The following SCAPER variants were observed in gnomAD, a reference collection of about 807,000 sequenced individuals.
The protein encoded by SCAPER is S phase cyclin A-associated protein in the endoplasmic reticulum.
A neutral mutation model predicts 182.2 loss-of-function variants in SCAPER; 98 were observed. The ratio of observed to expected loss-of-function variants is 0.54; its 90% confidence interval spans 0.46 to 0.64. The LOEUF (loss-of-function observed/expected upper bound fraction) is 0.64. Among genes scored for constraint, SCAPER ranks in the 30% least tolerant of loss-of-function variants. The pLI is 0.00. For missense variants in SCAPER, 1,432 were observed against 1,690.0 expected, an observed-to-expected ratio of 0.85 and a Z score of 2.68; for synonymous variants, 605 against 564.6, an observed-to-expected ratio of 1.07 and a Z score of -1.01.
chr15:76,431,652 G>C (rs1432927491), intron 26 of SCAPER, among the ~76,000 whole-genome samples: 1 of 81,900 alleles, frequency 1.2e-5, no homozygotes, highest in Non-Finnish European at 2.2e-5. Flanking sequence ...GGGAAGGTGA[G>C]AAGGCAAGTA....
At chr15:76,558,952 G>C (rs915857823) in intron 23 of SCAPER, among the ~76,000 whole-genome samples, 5 of 152,136 alleles carry the variant, frequency 3.3e-5, no homozygotes, top group African/African-American at 2.4e-5. Flanking sequence ...CACGTGTCAA[G>C]GGAGAGGCCA....
chr15:76,692,739 AG>A (rs1241534112), intron 20 of SCAPER, among the ~76,000 whole-genome samples: 1 of 151,182 alleles, frequency 6.6e-6, no homozygotes, highest in African/African-American at 2.4e-5. Context: ...AGGAAAGGAA[AG>A]GACAGGAAAT....
intron 22 of SCAPER, among the ~76,000 whole-genome samples, chr15:76,616,548 T>C (rs961341799): frequency 6.6e-6 from 1 of 152,170 alleles, no homozygotes; most frequent in African/African-American, 2.4e-5. Context: ...ATGGATGATG[T>C]AATAGCTACA....
intron 2 of SCAPER, among the ~76,000 whole-genome samples, chr15:76,877,094 C>T (rs1380410661): frequency 6.6e-6 from 1 of 151,688 alleles, no homozygotes; most frequent in African/African-American, 2.4e-5. Context: ...AAAAATTGGC[C>T]CAGCTACTCA....
intron 1 of SCAPER, among the ~76,000 whole-genome samples, chr15:76,887,737 C>T (rs546268106): frequency 6.6e-6 from 1 of 152,330 alleles, no homozygotes; most frequent in South Asian, 2.1e-4. Flanking sequence ...CATAGCTGAA[C>T]AAAAAGCAGC....
At chr15:76,437,654 A>T (rs780070953) in intron 25 of SCAPER, among the ~76,000 whole-genome samples, 9 of 152,216 alleles carry the variant, frequency 5.9e-5, no homozygotes, top group Non-Finnish European at 1.0e-4. Flanking sequence ...ACTGTTTTTC[A>T]TCATGAAGTA....
chr15:76,869,558 T>C lies in SCAPER; in HGVS notation c.7-7025A>G, dbSNP rs80341077. On this transcript the variant is annotated intron_variant, in intron 2 of 31. Coordinates refer to ENST00000563290, the MANE Select transcript of SCAPER (RefSeq NM_020843.4). ...AATGCAAATCAAAACTACAGTGAAA[T>C]ATCATCTCACGCAGTTAAAATGGTT... is the stretch of plus-strand genomic sequence containing the variant. 8.1e-3 allele frequency among the ~76,000 whole-genome samples: 1,239 copies of C among 152,218 alleles called. 13 individuals carry two copies. Among genetic ancestry groups the C allele is most frequent in the African/African-American group, 0.028 (1,175 of 41,518 alleles).
intron 29 of SCAPER, among the ~76,000 whole-genome samples, chr15:76,362,931 A>G (rs1361676735): frequency 6.6e-6 from 1 of 152,190 alleles, no homozygotes; most frequent in Admixed American, 6.5e-5. Context: ...GGAGAACTCC[A>G]TCAGTGGTTT....
At chr15:76,419,251 C>T (rs574908709) in intron 26 of SCAPER, among the ~76,000 whole-genome samples, 1 of 151,994 alleles carries the variant, frequency 6.6e-6, no homozygotes, top group Admixed American at 6.5e-5. Flanking sequence ...ATCGCTTGAA[C>T]CCAGGAGGCG....
At chr15:76,427,917 G>A (rs1313654218) in intron 26 of SCAPER, among the ~76,000 whole-genome samples, 1 of 140,730 alleles carries the variant, frequency 7.1e-6, no homozygotes, top group African/African-American at 2.8e-5. Context: ...TGGGTGACAT[G>A]AGCAAAACTC....
intron 29 of SCAPER, 83 bp downstream of exon 29, chr15:76,376,079 C>T (rs576515702): frequency 5.2e-6 from 8 of 1,551,554 alleles, no homozygotes; most frequent in African/African-American, 2.7e-5. Flanking sequence ...GGTTCCAGCC[C>T]GCTAGCCTGC....
intron 25 of SCAPER, among the ~76,000 whole-genome samples, chr15:76,445,375 T>C (rs1239067936): frequency 6.6e-6 from 1 of 152,260 alleles, no homozygotes; most frequent in East Asian, 1.9e-4. Context: ...TTCCTGGTTC[T>C]TTCTATGATG....
chr15:76,751,852 G>A (rs983125011), intron 15 of SCAPER, among the ~76,000 whole-genome samples: 1 of 151,550 alleles, frequency 6.6e-6, no homozygotes, highest in African/African-American at 2.4e-5. Context: ...CAAAGTCACA[G>A]GCAACAAAAG....
chr15:76,773,020 A>C (rs544343033), intron 9 of SCAPER, among the ~76,000 whole-genome samples: 1 of 151,898 alleles, frequency 6.6e-6, no homozygotes, highest in Non-Finnish European at 1.5e-5. Context: ...TGTTGATTTT[A>C]GCATAAGCCT....
chr15:76,761,284 C>G (rs1348976674), intron 14 of SCAPER, among the ~76,000 whole-genome samples: 1 of 151,992 alleles, frequency 6.6e-6, no homozygotes, highest in Non-Finnish European at 1.5e-5. Context: ...AACAAACCAC[C>G]GTTTTGTTGA....
intron 25 of SCAPER, among the ~76,000 whole-genome samples, chr15:76,435,649 C>T (rs2047152161): frequency 6.6e-6 from 1 of 152,180 alleles, no homozygotes; most frequent in African/African-American, 2.4e-5. Flanking sequence ...TCTACTCCAC[C>T]AACTTCCTAA....
At chr15:76,458,966 C>A (rs1345496917) in intron 25 of SCAPER, among the ~76,000 whole-genome samples, 1 of 152,150 alleles carries the variant, frequency 6.6e-6, no homozygotes, top group African/African-American at 2.4e-5. Flanking sequence ...ATAATCAAGG[C>A]TCACTGCAGC....
chr15:76,630,727 T>G (rs1013420690), intron 21 of SCAPER, among the ~76,000 whole-genome samples: 3 of 152,200 alleles, frequency 2.0e-5, no homozygotes, highest in African/African-American at 7.2e-5. Context: ...ATGTGATCAA[T>G]TTTAGAGTAA....
At chr15:76,548,432 C>A (rs1156851369) in intron 23 of SCAPER, among the ~76,000 whole-genome samples, 2 of 152,054 alleles carry the variant, frequency 1.3e-5, no homozygotes, top group Non-Finnish European at 2.9e-5. Flanking sequence ...GATGGAAATA[C>A]CACTATGAAA....
Sources: allele counts gnomAD v4.1 joint callset (sites outside exome capture counted in the v4.1 genomes callset), GRCh38; gene constraint gnomAD v4.1.1; transcripts MANE v1.5; gene names NCBI Gene and HGNC (gene_info 2026-07-23, HGNC 2026-07-21).